Variants in L1TD1 observed in about 807,000 individuals in gnomAD.
L1TD1 encodes the protein LINE-1 type transposase domain-containing protein 1.
A neutral mutation model predicts 25.7 loss-of-function variants in L1TD1; 26 were observed. The observed-to-expected ratio is 1.01, with a 90% CI of 0.74 to 1.40. The LOEUF is 1.40. Ranked by LOEUF, L1TD1 falls within the 40% of genes most tolerant of loss-of-function variation. The pLI, the probability that L1TD1 is intolerant of heterozygous loss-of-function variation, is 0.00. For synonymous variants in L1TD1, 421 were observed against 335.6 expected, an observed-to-expected ratio of 1.25 and a Z score of -2.78; for missense variants, 1,130 against 975.0, an observed-to-expected ratio of 1.16 and a Z score of -2.12.
At chr1:62,203,832 G>A (rs1426329231) in intron 2 of L1TD1, among the ~76,000 whole-genome samples, 2 of 152,086 alleles carry the variant, frequency 1.3e-5, no homozygotes, top group African/African-American at 2.4e-5. Context: ...TGATCCACCT[G>A]CCTCGGCCTC....
chr1:62,210,505 G>C lies in L1TD1; in HGVS notation c.1731G>C (p.Leu577Phe). Residue 577 changes from leucine (L) to phenylalanine (F), a missense_variant, in exon 4 of 4, where the codon TTG becomes TTC. Physicochemically the swap from Leu to Phe is conservative, Grantham distance 22. Transcript: ENST00000498273. ...ATAAAAAGCATTCACATACAAATTTGAGTATTTCAACAGGAGTCACCAAAC... is the reference window on the plus strand; with the variant it reads ...ATAAAAAGCATTCACATACAAATTTCAGTATTTCAACAGGAGTCACCAAAC... ...DEHKKHSHTNLSISTGVTKLK... is the reference protein window; with the variant it reads ...DEHKKHSHTNFSISTGVTKLK... 1 of 1,613,910 alleles carries C rather than the reference G, an allele frequency of 6.2e-7. No individual in the cohort carries two copies.
rs763813062 is a variant in L1TD1 at position 62,210,752 on chromosome 1, G to A, written c.1978G>A (p.Glu660Lys). The A allele has an allele frequency of 1.3e-6, 2 of 1,551,570 alleles. No individual in the cohort carries two copies. The highest frequency in any genetic ancestry group is 2.4e-5 in the South Asian group (2 of 84,018). Residue 660 changes from glutamate to lysine, a missense_variant, in exon 4 of 4, where the codon GAA becomes AAA. Transcript: ENST00000498273. ...TCTGAGTAGCAGAATGGACATACTTGAAGAAAGAATAGACAGTCTAGAAGA... is the reference window on the plus strand; with the variant it reads ...TCTGAGTAGCAGAATGGACATACTTAAAGAAAGAATAGACAGTCTAGAAGA... ...DDLSSRMDIL[E>K]ERIDSLEDQI...
At chr1:62,203,561 C>T (rs779877140) in intron 2 of L1TD1, among the ~76,000 whole-genome samples, 2 of 152,072 alleles carry the variant, frequency 1.3e-5, no homozygotes, top group Non-Finnish European at 2.9e-5. Flanking sequence ...ACTACAGGTG[C>T]GTGCCACCAC....
At chr1:62,204,587 A>T (rs1005287702) in intron 2 of L1TD1, among the ~76,000 whole-genome samples, 1 of 152,120 alleles carries the variant, frequency 6.6e-6, no homozygotes, top group Admixed American at 6.6e-5. Context: ...ATTATTTTTT[A>T]GAAACAGCGT....
chr1:62,196,133 A>G (rs1216144481), intron 1 of L1TD1, among the ~76,000 whole-genome samples: 1 of 152,206 alleles, frequency 6.6e-6, no homozygotes, highest in African/African-American at 2.4e-5. Context: ...TGTTAGGCAA[A>G]TCGAATTCTT....
Position 62,211,625 on chromosome 1 carries a change from C to T in L1TD1, c.*253C>T, listed in dbSNP as rs1274013685. 3 of 386,070 alleles carry T rather than the reference C, an allele frequency of 7.8e-6. No individual in the cohort carries two copies. In the Admixed American group the frequency reaches 1.4e-4, roughly 17 times the overall value. 23.9% of individuals were successfully genotyped at this position (386,070 alleles called of 1,614,324 possible). A position where few individuals can be genotyped will look rare whatever the true frequency, so the allele number is the denominator to read the frequency against. ...GTTACAGATAGAATTCCTTGTTTTACTTCCCCCCCACCACCTCCCTACTGC... is the reference window on the plus strand; with the variant it reads ...GTTACAGATAGAATTCCTTGTTTTATTTCCCCCCCACCACCTCCCTACTGC... On this transcript the variant is annotated 3_prime_UTR_variant, in exon 4 of 4. Transcript: ENST00000498273.
intron 3 of L1TD1, among the ~76,000 whole-genome samples, chr1:62,209,415 G>C (rs549501749): frequency 1.3e-5 from 2 of 151,610 alleles, no homozygotes; most frequent in East Asian, 3.9e-4. Context: ...AGATTACAAT[G>C]CCTATTTACC....
chr1:62,211,504 G>C lies in L1TD1; in HGVS notation c.*132G>C, dbSNP rs1438414875. 15 of 1,404,480 alleles carry C rather than the reference G, an allele frequency of 1.1e-5. No homozygotes were observed. The highest frequency in any genetic ancestry group is 1.1e-5 in the Non-Finnish European group (12 of 1,058,172). The allele number at this position is 1,404,480 out of a possible 1,614,324, so 87.0% of individuals were successfully genotyped here. A position where few individuals can be genotyped will look rare whatever the true frequency, so the allele number is the denominator to read the frequency against. On this transcript the variant is annotated 3_prime_UTR_variant, in exon 4 of 4. Coordinates refer to ENST00000498273, the MANE Select transcript of L1TD1 (RefSeq NM_019079.5). ...AGCGTACTTGGGGATGAGGAGCAAGGAATATTACAGATATTACCTAGATGT... is the reference window on the plus strand; with the variant it reads ...AGCGTACTTGGGGATGAGGAGCAAGCAATATTACAGATATTACCTAGATGT...
chr1:62,205,307 CA>C (rs1340744716), intron 2 of L1TD1, among the ~76,000 whole-genome samples: 3 of 150,616 alleles, frequency 2.0e-5, no homozygotes, highest in Non-Finnish European at 4.4e-5. Context: ...CATTGCACTC[CA>C]GCCTGGGTGA....
chr1:62,206,753 A>G lies in L1TD1; in HGVS notation c.125A>G (p.Asp42Gly). The change falls in exon 3 of 4, where the codon GAT (aspartate) becomes GGT (glycine). Residue 42 changes from aspartate (D) to glycine (G), a missense_variant. Transcript: ENST00000498273. ...ETDKDIAPVLDLKCKDVSAIM... is the reference protein window; with the variant it reads ...ETDKDIAPVLGLKCKDVSAIM... ...GATAAGGACATAGCTCCGGTATTAG[A>G]TTTAAAATGCAAGGACGTATCAGCA... The G allele has an allele frequency of 6.4e-7, 1 of 1,553,710 alleles. No homozygotes were observed. The highest frequency in any genetic ancestry group is 8.7e-7 in the Non-Finnish European group (1 of 1,147,740).
At chr1:62,204,908 C>T (rs1347556169) in intron 2 of L1TD1, among the ~76,000 whole-genome samples, 1 of 152,018 alleles carries the variant, frequency 6.6e-6, no homozygotes, top group Non-Finnish European at 1.5e-5. Flanking sequence ...TCCCTTATTA[C>T]TGGGACTACA....
chr1:62,197,105 G>T (rs952207801), intron 2 of L1TD1, among the ~76,000 whole-genome samples: 2 of 151,958 alleles, frequency 1.3e-5, no homozygotes, highest in Non-Finnish European at 2.9e-5. Context: ...AAAAGGTAGG[G>T]CCAGGTGTGG....
intron 2 of L1TD1, among the ~76,000 whole-genome samples, chr1:62,202,871 C>T (rs772716986): frequency 3.4e-4 from 51 of 151,944 alleles, no homozygotes; most frequent in Non-Finnish European, 8.8e-5. Flanking sequence ...GTAGTAGAGA[C>T]AGGGTTTCAC....
chr1:62,207,164 G>A lies in L1TD1; in HGVS notation c.536G>A (p.Cys179Tyr). The change falls in exon 3 of 4, where the codon TGC (cysteine) becomes TAC (tyrosine). Residue 179 changes from cysteine to tyrosine, a missense_variant. Physicochemically the swap from Cys to Tyr is radical, Grantham distance 194. Transcript: ENST00000498273. Reference protein sequence around the residue: ...EVMGSMEETLCNIDDRDGNRN... With the variant: ...EVMGSMEETLYNIDDRDGNRN... ...ATGGGAAGTATGGAAGAAACCTTAT[G>A]CAATATAGATGACAGAGATGGAAAT... The A allele has an allele frequency of 1.3e-6, 2 of 1,558,286 alleles. No individual in the cohort carries two copies. The highest frequency in any genetic ancestry group is 1.7e-6 in the Non-Finnish European group (2 of 1,150,012).
At chr1:62,203,609 C>G (rs573641492) in intron 2 of L1TD1, among the ~76,000 whole-genome samples, 1 of 151,970 alleles carries the variant, frequency 6.6e-6, no homozygotes, top group African/African-American at 2.4e-5. Flanking sequence ...GACGGAGTCT[C>G]GCTCTGACGC....
At chr1:62,201,584 G>A (rs1418575699) in intron 2 of L1TD1, among the ~76,000 whole-genome samples, 2 of 150,300 alleles carry the variant, frequency 1.3e-5, no homozygotes, top group East Asian at 3.9e-4. Flanking sequence ...TCCCCCATTT[G>A]TTTAATCTCT....
Position 62,210,650 on chromosome 1 carries a change from A to G in L1TD1, c.1876A>G (p.Arg626Gly), listed in dbSNP as rs1248077176. The G allele has an allele frequency of 6.4e-7, 1 of 1,570,124 alleles. No homozygotes were observed. The highest frequency in any genetic ancestry group is 8.6e-7 in the Non-Finnish European group (1 of 1,157,010). Residue 626 changes from arginine (R) to glycine (G), a missense_variant, in exon 4 of 4, where the codon AGA (arginine) becomes GGA (glycine). Arg to Gly is a moderately radical substitution (Grantham distance 125, BLOSUM62 -2). Coordinates refer to ENST00000498273, the MANE Select transcript of L1TD1 (RefSeq NM_019079.5). The stretch of plus-strand genomic sequence containing the variant: ...GAGAAGTAGTGTGATTAATAGCATC[A>G]GAGAGATAAAAGAGGAGATTGGAAA... ...NLRSSVINSI[R>G]EIKEEIGNLK...
chr1:62,211,537 G>A lies in L1TD1; in HGVS notation c.*165G>A. ...CAGATATTACCTAGATGTTAATAAAGGGTATGTTTAAAAAAAATAGGCTGG... is the reference window on the plus strand; with the variant it reads ...CAGATATTACCTAGATGTTAATAAAAGGTATGTTTAAAAAAAATAGGCTGG... On this transcript the variant is annotated 3_prime_UTR_variant, in exon 4 of 4. Coordinates refer to ENST00000498273, the MANE Select transcript of L1TD1 (RefSeq NM_019079.5). 1 of 1,200,858 alleles carries A rather than the reference G, an allele frequency of 8.3e-7. No individual in the cohort carries two copies. Among genetic ancestry groups the A allele is most frequent in the Non-Finnish European group, 1.1e-6 (1 of 901,342 alleles). The allele number at this position is 1,200,858 out of a possible 1,614,324, so 74.4% of individuals were successfully genotyped here.
intron 2 of L1TD1, among the ~76,000 whole-genome samples, chr1:62,205,436 TATA>T (rs1164894623): frequency 0.046 from 3,327 of 71,826 alleles, 287 homozygotes; most frequent in African/African-American, 0.081. Context: ...TATATATATA[TATA>T]TATATTTTTT....
Sources: gnomAD v4.1 joint callset for allele counts (sites outside exome capture counted in the v4.1 genomes callset) on GRCh38, gnomAD v4.1.1 for gene constraint, MANE v1.5 for transcripts, NCBI Gene and HGNC (gene_info 2026-07-23, HGNC 2026-07-21) for gene names.